STK36: variants seen among roughly 807,000 people sequenced by gnomAD.
STK36 encodes serine/threonine-protein kinase 36.
In STK36, 116 loss-of-function variants were observed where a neutral mutation model predicts 142.2. That is an observed-to-expected ratio of 0.82 (90% confidence interval 0.70 to 0.95). The LOEUF (loss-of-function observed/expected upper bound fraction) is 0.95. Among genes scored for constraint, STK36 ranks in the 40% least tolerant of loss-of-function variants. The probability of loss-of-function intolerance (pLI) is 0.00; values close to 1 mark genes in which losing one functional copy is unlikely to be tolerated. For synonymous variants in STK36, 619 were observed against 641.7 expected (o/e 0.96, Z 0.53); for missense variants, 1,422 against 1,617.2 (o/e 0.88, Z 2.07).
Position 218,699,112 on chromosome 2 carries a change from C to G in STK36, c.3568C>G (p.Leu1190Val). ...CCAGGCTGGTCCTCTGGGACCTGCC[C>G]TGGCAGCTGCAGTGCCCAGTATGAC... Reference protein sequence around the residue: ...AYQAGPLGPALAAAVPSMTQL... With the variant: ...AYQAGPLGPAVAAAVPSMTQL... Residue 1190 changes from leucine to valine, a missense_variant, in exon 26 of 27, where the codon CTG (leucine) becomes GTG (valine). Transcript: ENST00000295709. The G allele has an allele frequency of 6.2e-7, 1 of 1,614,054 alleles. No homozygotes were observed. The highest frequency in any genetic ancestry group is 8.5e-7 in the Non-Finnish European group (1 of 1,180,020).
In STK36 at chr2:218,699,018, G is replaced by C; in HGVS notation, c.3474G>C (p.Leu1158=). The C allele has an allele frequency of 1.2e-6, 2 of 1,614,138 alleles. No individual in the cohort carries two copies. The highest frequency in any genetic ancestry group is 2.2e-5 in the South Asian group (2 of 91,084). Residue 1158 remains leucine, a synonymous_variant, in exon 26 of 27, where the codon CTG becomes CTC. Transcript: ENST00000295709. Reference sequence around the variant, plus strand: ...AGTCTGGACTGCTCAGCCTTCTGCTGCTTGGGCTTGGAGACAAGGATCCTG... The same window carrying C: ...AGTCTGGACTGCTCAGCCTTCTGCTCCTTGGGCTTGGAGACAAGGATCCTG... ...QSQSGLLSLL[L]LGLGDKDPVV...
chr2:218,691,270 A>C (rs1940986896), intron 14 of STK36, among the ~76,000 whole-genome samples: 1 of 152,208 alleles, frequency 6.6e-6, no homozygotes, highest in Non-Finnish European at 1.5e-5. Flanking sequence ...GGTCATTGTT[A>C]AAACTGGTAA....
chr2:218,692,435 G>C (rs1226002380), intron 15 of STK36, 142 bp downstream of exon 15: 2 of 1,478,392 alleles, frequency 1.4e-6, no homozygotes, highest in Admixed American at 2.1e-5. Flanking sequence ...GAATGAATGG[G>C]GATCTGAGGG....
chr2:218,699,472 G>A, intron 26 of STK36, 124 bp downstream of exon 26: 1 of 1,412,194 alleles, frequency 7.1e-7, no homozygotes, highest in Admixed American at 2.5e-5. Flanking sequence ...GTTTCTCCCA[G>A]GGACAGTGTC....
At chr2:218,692,349 TC>T in intron 15 of STK36, 56 bp downstream of exon 15, 1 of 1,603,030 alleles carries the variant, frequency 6.2e-7, no homozygotes, top group Non-Finnish European at 8.5e-7. Context: ...TAGGTCAGGC[TC>T]CGCTCTTTCT....
In STK36 at chr2:218,676,048, A is replaced by G. The variant is rs147587613; in HGVS notation, c.454A>G (p.Thr152Ala). 3.0e-5 allele frequency: 48 copies of G among 1,613,924 alleles called. No homozygotes were observed. The African/African-American group carries it at 4.8e-4, about 16-fold the overall frequency. Residue 152 changes from threonine to alanine, a missense_variant, in exon 6 of 27, where the codon ACC becomes GCC. Thr to Ala is a moderately conservative substitution (Grantham distance 58, BLOSUM62 0). Coordinates refer to ENST00000295709, the MANE Select transcript of STK36 (RefSeq NM_015690.5). ...CDFGFARAMSTNTMVLTSIKG... is the reference protein window; with the variant it reads ...CDFGFARAMSANTMVLTSIKG... ...CTGCAGATTTGCCCGGGCTATGAGC[A>G]CCAATACAATGGTGCTGACATCCAT...
chr2:218,699,938 T>G (rs1209066742), intron 26 of STK36, among the ~76,000 whole-genome samples: 1 of 152,144 alleles, frequency 6.6e-6, no homozygotes. Flanking sequence ...TTTTTTTTTT[T>G]TCTGAGACAG....
At position 218,673,901 on chromosome 2, in the gene STK36, C is replaced by A. The variant is rs1575119123; in HGVS notation, c.248C>A (p.Ala83Asp). Residue 83 changes from alanine to aspartate, a missense_variant, in exon 4 of 27, where the codon GCT becomes GAT. Around this residue, in one of 2 missense-constraint regions of STK36, gnomAD observed 460 missense variants for 449.6 expected, o/e 1.02. Transcript: ENST00000295709. ...DKEVVVVTDY[A>D]EGELFQILED... ...TAGGTGGTGGTGGTGACAGACTATG[C>A]TGAGGGAGAGCTCTTTCAGATCCTA... The A allele has an allele frequency of 6.2e-7, 1 of 1,614,168 alleles. No homozygotes were observed. Among genetic ancestry groups the A allele is most frequent in the African/African-American group, 1.3e-5 (1 of 75,056 alleles).
chr2:218,677,302 A>G (rs1940300455), intron 6 of STK36, among the ~76,000 whole-genome samples: 1 of 152,112 alleles, frequency 6.6e-6, no homozygotes, highest in African/African-American at 2.4e-5. Context: ...AGCAAGGGGG[A>G]AGTCCTCCCC....
chr2:218,693,557 T>G (rs562344122), intron 17 of STK36, among the ~76,000 whole-genome samples, 166 bp from the exon 18 acceptor site: 352 of 151,744 alleles, frequency 2.3e-3, no homozygotes, highest in Non-Finnish European at 2.3e-3. Flanking sequence ...CCGAGAAGGG[T>G]CCCTGTCTCA....
chr2:218,685,005 C>T, intron 10 of STK36, 80 bp from the exon 11 acceptor site: 1 of 1,565,034 alleles, frequency 6.4e-7, no homozygotes, highest in Non-Finnish European at 8.7e-7. Flanking sequence ...TTCATGATTC[C>T]CCATGGTTTC....
At chr2:218,679,021 C>A in intron 6 of STK36, 147 bp from the exon 7 acceptor site, 1 of 718,464 alleles carries the variant, frequency 1.4e-6, no homozygotes, top group Non-Finnish European at 2.3e-6. Context: ...AAAATGGGAC[C>A]TGAACAAAGT....
intron 11 of STK36, among the ~76,000 whole-genome samples, chr2:218,686,204 G>C (rs1940771478): frequency 6.6e-6 from 1 of 152,054 alleles, no homozygotes; most frequent in Admixed American, 6.5e-5. Flanking sequence ...CTCCCAAAGT[G>C]CTGGGATTAC....
intron 9 of STK36, among the ~76,000 whole-genome samples, 156 bp downstream of exon 9, chr2:218,680,236 T>C (rs1395492010): frequency 6.6e-6 from 1 of 152,184 alleles, no homozygotes; most frequent in East Asian, 1.9e-4. Context: ...ATTCTAATTA[T>C]AGATGTTTTT....
At position 218,702,147 on chromosome 2, in the gene STK36, AGAAGAGAT is replaced by A. The variant is rs1941466307; in HGVS notation, c.*139_*146del. Reference sequence around the variant, plus strand: ...CCAACTCAACTGAGAACAAGAAACTAGAAGAGATTTATATATAAAGCTTCTTCCTTCTC... The same window carrying A: ...CCAACTCAACTGAGAACAAGAAACTATTATATATAAAGCTTCTTCCTTCTC... On this transcript the variant is annotated 3_prime_UTR_variant, in exon 27 of 27. Transcript: ENST00000295709. 5 of 1,081,588 alleles carry A rather than the reference AGAAGAGAT, an allele frequency of 4.6e-6. No homozygotes were observed. Among genetic ancestry groups the A allele is most frequent in the Non-Finnish European group, 6.4e-6 (5 of 775,952 alleles). The allele number at this position is 1,081,588 out of a possible 1,614,324, so 67.0% of individuals were successfully genotyped here. A position where few individuals can be genotyped will look rare whatever the true frequency, so the allele number is the denominator to read the frequency against.
chr2:218,700,077 C>A (rs1941388544), intron 26 of STK36, among the ~76,000 whole-genome samples: 1 of 152,192 alleles, frequency 6.6e-6, no homozygotes, highest in Admixed American at 6.5e-5. Context: ...CATGTGCCAC[C>A]ACGCCTGGCT....
chr2:218,675,977 C>A, intron 5 of STK36, 52 bp from the exon 6 acceptor site: 1 of 1,601,912 alleles, frequency 6.2e-7, no homozygotes, highest in South Asian at 1.1e-5. Flanking sequence ...TAGTAGTGAC[C>A]AGGTTTAGAA....
rs1241585917 is a variant in STK36, at chr2:218,679,596, C to T, written c.815C>T (p.Pro272Leu). Reference sequence around the variant, plus strand: ...CCAGCAGGCCCAGATTTGGGGACCCCATTCACCAGCCGCCTACCCCCAGAA... The same window carrying T: ...CCAGCAGGCCCAGATTTGGGGACCCTATTCACCAGCCGCCTACCCCCAGAA... ...TEPAGPDLGTPFTSRLPPELQ... is the reference protein window; with the variant it reads ...TEPAGPDLGTLFTSRLPPELQ... The change falls in exon 8 of 27, where the codon CCA (proline) becomes CTA (leucine). Residue 272 changes from proline to leucine, a missense_variant. Physicochemically the swap from Pro to Leu is moderately conservative, Grantham distance 98. Around this residue, in one of 2 missense-constraint regions of STK36, gnomAD observed 460 missense variants for 449.6 expected, o/e 1.02. Coordinates refer to ENST00000295709, the MANE Select transcript of STK36 (RefSeq NM_015690.5). 1 of 1,614,082 alleles carries T rather than the reference C, an allele frequency of 6.2e-7. No individual in the cohort carries two copies. Among genetic ancestry groups the T allele is most frequent in the Admixed American group, 1.7e-5 (1 of 60,014 alleles).
At chr2:218,696,716 T>G (rs1941246702) in intron 22 of STK36, 115 bp downstream of exon 22, 4 of 1,168,794 alleles carry the variant, frequency 3.4e-6, no homozygotes, top group Non-Finnish European at 5.1e-6. Flanking sequence ...CTCAAGCTAC[T>G]GTGCCTGTGA....
Sources: allele counts gnomAD v4.1 joint callset (sites outside exome capture counted in the v4.1 genomes callset), GRCh38; gene constraint gnomAD v4.1.1; regional missense constraint gnomAD v4.1.1; transcripts MANE v1.5; gene names NCBI Gene and HGNC (gene_info 2026-07-23, HGNC 2026-07-21).